Variants in CADM2 observed in about 807,000 individuals in gnomAD.
The protein encoded by CADM2 is cell adhesion molecule 2.
CADM2 carries 12 observed loss-of-function variants against 49.8 expected under a neutral mutation model. The ratio of observed to expected loss-of-function variants is 0.24; its 90% confidence interval spans 0.15 to 0.39. CADM2 has a LOEUF of 0.39. Ranked by LOEUF, CADM2 falls within the 10% of genes least tolerant of loss-of-function variation. The pLI, the probability that CADM2 is intolerant of heterozygous loss-of-function variation, is 1.00. For missense variants in CADM2, 378 were observed against 492.3 expected (o/e 0.77, Z 2.20); for synonymous variants, 214 against 175.4 (o/e 1.22, Z -1.74).
chr3:85,151,980 TA>T (rs1168212809), intron 1 of CADM2, among the ~76,000 whole-genome samples: 5 of 152,290 alleles, frequency 3.3e-5, no homozygotes, highest in East Asian at 3.9e-4. Flanking sequence ...GAAAAAAGGT[TA>T]TTTTTTTATT....
chr3:85,803,094 T>C (rs1042687678), intron 3 of CADM2, among the ~76,000 whole-genome samples: 1 of 152,162 alleles, frequency 6.6e-6, no homozygotes, highest in Non-Finnish European at 1.5e-5. Flanking sequence ...CTAATAAATG[T>C]GCTCAGTCCA....
chr3:85,972,964 C>T (rs370548646), intron 8 of CADM2, among the ~76,000 whole-genome samples: 12 of 151,818 alleles, frequency 7.9e-5, no homozygotes, highest in African/African-American at 2.9e-4. Flanking sequence ...TTTAAAAACA[C>T]TGAAAACCTG....
chr3:85,062,697 A>T (rs2107449140), intron 1 of CADM2, among the ~76,000 whole-genome samples: 1 of 152,052 alleles, frequency 6.6e-6, no homozygotes, highest in East Asian at 1.9e-4. Context: ...TAAATATGAC[A>T]ATTTTATTTT....
intron 1 of CADM2, among the ~76,000 whole-genome samples, chr3:85,245,353 A>AG (rs1224971030): frequency 6.6e-6 from 1 of 152,100 alleles, no homozygotes; most frequent in African/African-American, 2.4e-5. Context: ...TCTACTAAAA[A>AG]TACAAAAAAT....
intron 1 of CADM2, among the ~76,000 whole-genome samples, chr3:85,472,840 C>G (rs62250717): frequency 0.3 from 45,005 of 151,804 alleles, 7,908 homozygotes; most frequent in East Asian, 0.53. Context: ...AAGTAATTGA[C>G]AATTTTACCG....
intron 1 of CADM2, among the ~76,000 whole-genome samples, chr3:85,538,685 T>C (rs1461998775): frequency 6.6e-6 from 1 of 151,480 alleles, no homozygotes; most frequent in Non-Finnish European, 1.5e-5. Context: ...GTTGATGCAA[T>C]TTCTAGTCTG....
chr3:85,414,779 A>G (rs2035840961), intron 1 of CADM2, among the ~76,000 whole-genome samples: 1 of 152,086 alleles, frequency 6.6e-6, no homozygotes, highest in African/African-American at 2.4e-5. Flanking sequence ...ATTGACTGAC[A>G]TATCTTGGAA....
chr3:86,047,560 AGTCACTTT>A (rs1249757463), intron 8 of CADM2, among the ~76,000 whole-genome samples: 5 of 152,172 alleles, frequency 3.3e-5, no homozygotes, highest in Admixed American at 3.3e-4. Context: ...TAGAGCTACA[AGTCACTTT>A]GTGCCTCAAG....
chr3:85,772,346 G>A (rs1200453471), intron 2 of CADM2, among the ~76,000 whole-genome samples: 1 of 151,850 alleles, frequency 6.6e-6, no homozygotes, highest in African/African-American at 2.4e-5. Context: ...AATTTTCTTT[G>A]ACTTACTTAG....
chr3:85,798,871 A>G (rs2071802293), intron 2 of CADM2, among the ~76,000 whole-genome samples: 1 of 152,124 alleles, frequency 6.6e-6, no homozygotes, highest in African/African-American at 2.4e-5. Flanking sequence ...AATTATGGCC[A>G]TTTTCACAAT....
chr3:85,065,331 G>T (rs928199126), intron 1 of CADM2, among the ~76,000 whole-genome samples: 1 of 151,620 alleles, frequency 6.6e-6, no homozygotes, highest in South Asian at 2.1e-4. Flanking sequence ...AAAATATATT[G>T]GGTTGCTATT....
chr3:84,998,733 G>T (rs1462058624), intron 1 of CADM2, among the ~76,000 whole-genome samples: 1 of 152,112 alleles, frequency 6.6e-6, no homozygotes, highest in East Asian at 1.9e-4. Context: ...TGGACACAGA[G>T]CAATGCGTGT....
At chr3:85,221,815 G>A (rs2042050378) in intron 1 of CADM2, among the ~76,000 whole-genome samples, 1 of 152,100 alleles carries the variant, frequency 6.6e-6, no homozygotes, top group African/African-American at 2.4e-5. Context: ...TGACATCTTT[G>A]ATGACCTGAA....
intron 1 of CADM2, among the ~76,000 whole-genome samples, chr3:85,420,140 G>C (rs918526756): frequency 3.3e-5 from 5 of 152,114 alleles, no homozygotes; most frequent in African/African-American, 1.2e-4. Context: ...TTTCTTCCTG[G>C]AATCTTTTTA....
chr3:86,010,012 C>G lies in CADM2; in HGVS notation c.970+48365C>G, dbSNP rs374376734. Among the ~76,000 whole-genome samples, 64 of 151,962 alleles carry G rather than the reference C, an allele frequency of 4.2e-4. 1 individual carries two copies. Among genetic ancestry groups the G allele is most frequent in the East Asian group, 3.7e-3 (19 of 5,180 alleles). Reference sequence around the variant, plus strand: ...GTCTTGGTGAAATTTGCTGTTCCTTCTAGGCCTACCTGGAAAGTCCGACAT... The same window carrying G: ...GTCTTGGTGAAATTTGCTGTTCCTTGTAGGCCTACCTGGAAAGTCCGACAT... On this transcript the variant is annotated intron_variant, in intron 8 of 9. Transcript: ENST00000383699.
chr3:85,883,853 T>C (rs1436806473), intron 4 of CADM2, among the ~76,000 whole-genome samples: 1 of 152,184 alleles, frequency 6.6e-6, no homozygotes, highest in Non-Finnish European at 1.5e-5. Context: ...ATCATGTAAG[T>C]CACCTGATAA....
At chr3:85,770,161 T>C (rs571407510) in intron 2 of CADM2, among the ~76,000 whole-genome samples, 54 of 152,246 alleles carry the variant, frequency 3.5e-4, no homozygotes, top group African/African-American at 1.1e-3. Flanking sequence ...ATCTGAAAGA[T>C]AATAAAGTAA....
At chr3:85,259,093 T>C in intron 1 of CADM2, among the ~76,000 whole-genome samples, 1 of 152,120 alleles carries the variant, frequency 6.6e-6, no homozygotes, top group Non-Finnish European at 1.5e-5. Context: ...GAAAGTAGGC[T>C]TTACAAAGGG....
intron 8 of CADM2, among the ~76,000 whole-genome samples, chr3:85,985,782 A>G (rs1272123288): frequency 7.5e-6 from 1 of 133,354 alleles, no homozygotes; most frequent in East Asian, 1.9e-4. Context: ...AGTGACTTGT[A>G]AAAAAAAATC....
Sources: gnomAD v4.1 joint callset for allele counts (sites outside exome capture counted in the v4.1 genomes callset) on GRCh38, gnomAD v4.1.1 for gene constraint, MANE v1.5 for transcripts, NCBI Gene and HGNC (gene_info 2026-07-23, HGNC 2026-07-21) for gene names.